The following GABRG3 variants were observed in gnomAD, a reference collection of about 807,000 sequenced individuals.
GABRG3 encodes gamma-aminobutyric acid type A receptor subunit gamma3.
GABRG3 carries 25 observed loss-of-function variants against 48.8 expected under a neutral mutation model. The ratio of observed to expected loss-of-function variants is 0.51; its 90% CI spans 0.37 to 0.72. The LOEUF (loss-of-function observed/expected upper bound fraction) is 0.72. GABRG3 is among the 30% of genes least tolerant of loss of function. The probability of loss-of-function intolerance (pLI) is 0.00; values close to 1 mark genes in which losing one functional copy is unlikely to be tolerated. For synonymous variants in GABRG3, 227 were observed against 217.6 expected (o/e 1.04, Z -0.38); for missense variants, 394 against 577.9 (o/e 0.68, Z 3.26).
Position 26,971,494 on chromosome 15 carries a change from C to G in GABRG3, c.-42C>G. On this transcript the variant is annotated 5_prime_UTR_variant, in exon 1 of 10. Transcript: ENST00000615808. ...GGTCCGCGCCGGAGGAAGCCGCGCC[C>G]GGCCGAGGCCCCGGACCCTGCGCCC... is the stretch of plus-strand genomic sequence containing the variant. 6.8e-7 allele frequency: 1 copy of G among 1,460,684 alleles called. No individual in the cohort carries two copies. Among genetic ancestry groups the G allele is most frequent in the Non-Finnish European group, 9.1e-7 (1 of 1,100,386 alleles). The allele number at this position is 1,460,684 out of a possible 1,614,324, so 90.5% of individuals were successfully genotyped here. A position where few individuals can be genotyped will look rare whatever the true frequency, so the allele number is the denominator to read the frequency against.
chr15:27,278,978 T>C (rs1891345432), intron 3 of GABRG3, among the ~76,000 whole-genome samples: 1 of 152,246 alleles, frequency 6.6e-6, no homozygotes. Context: ...CTCTCCAGCC[T>C]GTGCTGTTAC....
At chr15:26,984,028 C>T (rs1895105594) in intron 2 of GABRG3, among the ~76,000 whole-genome samples, 1 of 152,050 alleles carries the variant, frequency 6.6e-6, no homozygotes, top group African/African-American at 2.4e-5. Context: ...TACAGGAAGC[C>T]CTCCCTCATT....
At chr15:27,196,764 A>G (rs1239594880) in intron 3 of GABRG3, among the ~76,000 whole-genome samples, 2 of 152,228 alleles carry the variant, frequency 1.3e-5, no homozygotes, top group East Asian at 1.9e-4. Context: ...AGCCCCAGGT[A>G]CAAATCCCAT....
chr15:27,064,853 T>G (rs1238372034), intron 3 of GABRG3, among the ~76,000 whole-genome samples: 1 of 152,216 alleles, frequency 6.6e-6, no homozygotes, highest in Non-Finnish European at 1.5e-5. Flanking sequence ...GATGGTGCAC[T>G]GAAAAATCAG....
intron 3 of GABRG3, among the ~76,000 whole-genome samples, chr15:27,242,464 G>A (rs1055563281): frequency 1.6e-4 from 24 of 152,192 alleles, no homozygotes; most frequent in Non-Finnish European, 2.9e-4. Flanking sequence ...GTGAGGTCTT[G>A]CCTGAGTGGT....
chr15:27,478,956 G>T (rs966481256), intron 5 of GABRG3, among the ~76,000 whole-genome samples: 28 of 152,070 alleles, frequency 1.8e-4, no homozygotes, highest in African/African-American at 6.8e-4. Context: ...AAACTATAGT[G>T]ACAGAAAATA....
At chr15:27,358,767 TAA>T (rs558407508) in intron 5 of GABRG3, among the ~76,000 whole-genome samples, 5 of 152,214 alleles carry the variant, frequency 3.3e-5, no homozygotes, top group Admixed American at 6.5e-5. Context: ...TTCTATGGGC[TAA>T]GTGGTGTGCC....
chr15:27,332,813 T>G (rs909212850), intron 5 of GABRG3, among the ~76,000 whole-genome samples: 1 of 152,312 alleles, frequency 6.6e-6, no homozygotes, highest in Admixed American at 6.5e-5. Context: ...TTCCAATATA[T>G]GCACAGAGAT....
At chr15:27,321,816 C>T (rs1893436357) in intron 3 of GABRG3, among the ~76,000 whole-genome samples, 1 of 152,226 alleles carries the variant, frequency 6.6e-6, no homozygotes. Flanking sequence ...GAAATAGTTT[C>T]CAAATTTTCT....
intron 3 of GABRG3, among the ~76,000 whole-genome samples, chr15:27,215,615 G>A (rs777559075): frequency 2.5e-4 from 38 of 152,132 alleles, no homozygotes; most frequent in Admixed American, 5.2e-4. Context: ...CTTCTTAGCT[G>A]CACCCGTTAT....
At chr15:26,987,294 C>CGGGTT (rs1171739118) in intron 2 of GABRG3, among the ~76,000 whole-genome samples, 1 of 152,214 alleles carries the variant, frequency 6.6e-6, no homozygotes, top group Non-Finnish European at 1.5e-5. Context: ...GCTTCTGTTT[C>CGGGTT]GGGTTGGTTT....
At position 27,537,784 on chromosome 15, in the gene GABRG3, A is replaced by G. The variant is rs966715599; in HGVS notation, c.*4903A>G. On this transcript the variant is annotated 3_prime_UTR_variant, in exon 10 of 10. Coordinates refer to ENST00000615808, the MANE Select transcript of GABRG3 (RefSeq NM_033223.5). ...GCTTGATCTAGTTGTATTAAGGCCA[A>G]AAGGCAGACTTTCTTTATATTTATT... is the stretch of plus-strand genomic sequence containing the variant. 2.0e-5 allele frequency: 3 copies of G among 151,322 alleles called. No homozygotes were observed. Among genetic ancestry groups the G allele is most frequent in the African/African-American group, 2.4e-5 (1 of 41,344 alleles). The allele number at this position is 151,322 out of a possible 1,614,324, so 9.4% of individuals were successfully genotyped here. A position where few individuals can be genotyped will look rare whatever the true frequency, so the allele number is the denominator to read the frequency against.
rs1162548820 is a variant in GABRG3 at position 27,352,830 on chromosome 15, CT to C, written c.574+23943del. On this transcript the variant is annotated intron_variant, in intron 5 of 9. Transcript: ENST00000615808. The surrounding 1 kb of genome is among the most constrained non-coding windows in gnomAD (Gnocchi z 4.0). ...GGGGCCCAGGTATAGCAACACCTAACTCATAGGACTATGGGGGGCGTAAAAT... is the reference window on the plus strand; with the variant it reads ...GGGGCCCAGGTATAGCAACACCTAACCATAGGACTATGGGGGGCGTAAAAT... Among the ~76,000 whole-genome samples, 1 of 152,120 alleles carries C rather than the reference CT, an allele frequency of 6.6e-6. No homozygotes were observed. Among genetic ancestry groups the C allele is most frequent in the Middle Eastern group, 3.2e-3 (1 of 316 alleles).
chr15:27,354,513 T>G (rs1894772980), intron 5 of GABRG3, among the ~76,000 whole-genome samples: 1 of 152,200 alleles, frequency 6.6e-6, no homozygotes, highest in African/African-American at 2.4e-5. Flanking sequence ...TGGGTGGCAC[T>G]GCCTGTGTGT....
intron 3 of GABRG3, among the ~76,000 whole-genome samples, chr15:27,094,088 G>A (rs1249108497): frequency 6.6e-6 from 1 of 152,212 alleles, no homozygotes; most frequent in Non-Finnish European, 1.5e-5. Context: ...TACCCTTAGT[G>A]GTTGCGAGTA....
At chr15:27,332,394 C>T (rs531886187) in intron 5 of GABRG3, among the ~76,000 whole-genome samples, 2 of 152,090 alleles carry the variant, frequency 1.3e-5, no homozygotes, top group African/African-American at 4.8e-5. Flanking sequence ...TGTGCCAGCT[C>T]GGGAGGCTGA....
At chr15:27,329,557 G>A (rs914295883) in intron 5 of GABRG3, among the ~76,000 whole-genome samples, 1 of 152,184 alleles carries the variant, frequency 6.6e-6, no homozygotes, top group African/African-American at 2.4e-5. Flanking sequence ...GAGCCACTGT[G>A]CCCAGCTGAT....
chr15:27,030,535 C>T (rs74006550), intron 3 of GABRG3, among the ~76,000 whole-genome samples: 1,753 of 152,262 alleles, frequency 0.012, 36 homozygotes, highest in African/African-American at 0.04. Flanking sequence ...CTGCCTTTGT[C>T]GCTGCAACAT....
intron 3 of GABRG3, among the ~76,000 whole-genome samples, chr15:27,141,604 A>G (rs761356846): frequency 2.0e-5 from 3 of 152,218 alleles, no homozygotes; most frequent in Non-Finnish European, 1.5e-5. Context: ...ATGTAGGACA[A>G]ATGGCTTGGT....
Sources: allele counts gnomAD v4.1 joint callset (sites outside exome capture counted in the v4.1 genomes callset), GRCh38; gene constraint gnomAD v4.1.1; non-coding constraint Gnocchi (gnomAD v3.1); transcripts MANE v1.5; gene names NCBI Gene and HGNC (gene_info 2026-07-23, HGNC 2026-07-21).